The following RFX2 variants were observed in gnomAD, a reference collection of about 807,000 sequenced individuals.
The protein encoded by RFX2 is regulatory factor X2.
A neutral mutation model predicts 87.8 loss-of-function variants in RFX2; 20 were observed. The observed-to-expected ratio is 0.23, with a 90% confidence interval of 0.16 to 0.33. The LOEUF is 0.33. Among genes scored for constraint, RFX2 ranks in the 10% least tolerant of loss-of-function variants. The probability of loss-of-function intolerance (pLI) is 1.00; values close to 1 mark genes in which losing one functional copy is unlikely to be tolerated. For synonymous variants in RFX2, 397 were observed against 431.3 expected (o/e 0.92, Z 0.98); for missense variants, 767 against 1,012.3 (o/e 0.76, Z 3.29).
intron 2 of RFX2, among the ~76,000 whole-genome samples, chr19:6,046,647 G>A (rs983054223): frequency 7.4e-6 from 1 of 135,990 alleles, no homozygotes. Context: ...TTAGGTTGGA[G>A]AGCAGTGGTA....
At position 6,007,827 on chromosome 19, in the gene RFX2, C is replaced by T; in HGVS notation, c.1135-25G>A. ...CCTAGGAATGAAGGGACCGGTGAGACAGACGGGTGCGTGCGCCCATCACGT... is the reference window on the plus strand; with the variant it reads ...CCTAGGAATGAAGGGACCGGTGAGATAGACGGGTGCGTGCGCCCATCACGT... On this transcript the variant is annotated intron_variant, in intron 10 of 17. Coordinates refer to ENST00000303657, the MANE Select transcript of RFX2 (RefSeq NM_000635.4). The surrounding 1 kb of genome is among the most constrained non-coding windows in gnomAD (Gnocchi z 8.2). 1 of 1,459,098 alleles carries T rather than the reference C, an allele frequency of 6.9e-7. No homozygotes were observed. The highest frequency in any genetic ancestry group is 9.4e-7 in the Non-Finnish European group (1 of 1,062,606). 90.4% of individuals were successfully genotyped at this position (1,459,098 alleles called of 1,614,324 possible).
Position 6,026,386 on chromosome 19 carries a change from G to T in RFX2, c.523-149C>A. The stretch of plus-strand genomic sequence containing the variant: ...AAAATAAAAATGAGGCTCCACGCAG[G>T]CAGGGCGGGGGTGAGTTAAATTGTG... On this transcript the variant is annotated intron_variant, in intron 5 of 17. Transcript: ENST00000303657. This position sits in a 1 kb window ranked among gnomAD's most constrained non-coding sequence, Gnocchi z 4.5. 1.5e-6 allele frequency: 1 copy of T among 685,348 alleles called. No homozygotes were observed. Among genetic ancestry groups the T allele is most frequent in the Non-Finnish European group, 2.5e-6 (1 of 404,244 alleles). The allele number at this position is 685,348 out of a possible 1,614,324, so 42.5% of individuals were successfully genotyped here.
At position 6,083,269 on chromosome 19, in the gene RFX2, T is replaced by G. The variant is rs1271811034; in HGVS notation, c.-9+27124A>C. Among the ~76,000 whole-genome samples, 1 of 152,226 alleles carries G rather than the reference T, an allele frequency of 6.6e-6. No individual in the cohort carries two copies. The highest frequency in any genetic ancestry group is 1.5e-5 in the Non-Finnish European group (1 of 68,040). On this transcript the variant is annotated intron_variant, in intron 1 of 17. Transcript: ENST00000303657. This position sits in a 1 kb window ranked among gnomAD's most constrained non-coding sequence, Gnocchi z 4.6. ...TAAAATACTGCATTAAAACATTGTG[T>G]ATCTTGATGACTGTGGATTTTTGTA...
chr19:6,058,860 G>C (rs913355165), intron 1 of RFX2, among the ~76,000 whole-genome samples: 1 of 152,136 alleles, frequency 6.6e-6, no homozygotes, highest in Non-Finnish European at 1.5e-5. Context: ...CACCCAGTAG[G>C]CCCTTAAGTC....
intron 7 of RFX2, among the ~76,000 whole-genome samples, chr19:6,015,682 G>A (rs767702427): frequency 3.3e-5 from 5 of 151,924 alleles, no homozygotes; most frequent in Non-Finnish European, 5.9e-5. Context: ...TAATTTTTTT[G>A]TAGAGATGAG....
At chr19:6,005,660 G>GA (rs759577088) in intron 12 of RFX2, among the ~76,000 whole-genome samples, 1 of 152,224 alleles carries the variant, frequency 6.6e-6, no homozygotes, top group Non-Finnish European at 1.5e-5. Context: ...AAATCACAGG[G>GA]TGGGGCGCTG....
Position 6,007,829 on chromosome 19 carries a change from G to C in RFX2, c.1135-27C>G. 6.9e-7 allele frequency: 1 copy of C among 1,449,134 alleles called. No individual in the cohort carries two copies. Among genetic ancestry groups the C allele is most frequent in the East Asian group, 2.5e-5 (1 of 40,458 alleles). The allele number at this position is 1,449,134 out of a possible 1,614,324, so 89.8% of individuals were successfully genotyped here. A position where few individuals can be genotyped will look rare whatever the true frequency, so the allele number is the denominator to read the frequency against. Reference sequence around the variant, plus strand: ...TAGGAATGAAGGGACCGGTGAGACAGACGGGTGCGTGCGCCCATCACGTGC... The same window carrying C: ...TAGGAATGAAGGGACCGGTGAGACACACGGGTGCGTGCGCCCATCACGTGC... On this transcript the variant is annotated intron_variant, in intron 10 of 17. Transcript: ENST00000303657. The surrounding 1 kb of genome is among the most constrained non-coding windows in gnomAD (Gnocchi z 8.2).
Position 6,026,912 on chromosome 19 carries a change from G to T in RFX2, c.523-675C>A, listed in dbSNP as rs1599864450. 6.6e-6 allele frequency among the ~76,000 whole-genome samples: 1 copy of T among 152,236 alleles called. No individual in the cohort carries two copies. The highest frequency in any genetic ancestry group is 1.5e-5 in the Non-Finnish European group (1 of 68,024). On this transcript the variant is annotated intron_variant, in intron 5 of 17. Transcript: ENST00000303657. The surrounding 1 kb of genome is among the most constrained non-coding windows in gnomAD (Gnocchi z 4.5). ...CAGCTAACAGCAGAACTTCCTGGAG[G>T]AAGGGGCTTTTGAGTTGGATCCTGA...
intron 1 of RFX2, among the ~76,000 whole-genome samples, chr19:6,062,167 A>G (rs1431735108): frequency 6.6e-6 from 1 of 152,200 alleles, no homozygotes; most frequent in East Asian, 1.9e-4. Flanking sequence ...TCTAAAAAGA[A>G]TAAACAAGTA....
intron 16 of RFX2, among the ~76,000 whole-genome samples, chr19:5,996,032 G>A (rs1417360335): frequency 6.6e-6 from 1 of 152,262 alleles, no homozygotes; most frequent in Non-Finnish European, 1.5e-5. Context: ...AAAGCCCGGC[G>A]TTCACGCCAA....
At chr19:6,052,967 GTTTAGCTTTATA>G (rs1300107475) in intron 1 of RFX2, among the ~76,000 whole-genome samples, 1 of 152,022 alleles carries the variant, frequency 6.6e-6, no homozygotes, top group Non-Finnish European at 1.5e-5. Flanking sequence ...AGAAAGAGAT[GTTTAGCTTTATA>G]TGCTTATGTT....
At chr19:6,030,751 T>C (rs1022794660) in intron 5 of RFX2, among the ~76,000 whole-genome samples, 1 of 152,358 alleles carries the variant, frequency 6.6e-6, no homozygotes, top group East Asian at 1.9e-4. Context: ...TTATGTTACA[T>C]ACATTCTATC....
intron 2 of RFX2, among the ~76,000 whole-genome samples, chr19:6,046,729 G>A (rs1266320559): frequency 6.7e-6 from 1 of 148,806 alleles, no homozygotes; most frequent in Non-Finnish European, 1.5e-5. Context: ...CTGAGTAGCT[G>A]GGACCACAGG....
At chr19:6,060,315 C>A (rs1291228825) in intron 1 of RFX2, among the ~76,000 whole-genome samples, 1 of 152,188 alleles carries the variant, frequency 6.6e-6, no homozygotes, top group Non-Finnish European at 1.5e-5. Context: ...CAGACCCCAG[C>A]AGAAGCCTAA....
intron 2 of RFX2, among the ~76,000 whole-genome samples, chr19:6,046,957 G>A (rs2087199462): frequency 6.6e-6 from 1 of 150,646 alleles, no homozygotes; most frequent in African/African-American, 2.4e-5. Flanking sequence ...TTAGAGAAAG[G>A]GTCTGGCTAT....
At position 6,056,188 on chromosome 19, in the gene RFX2, T is replaced by C. The variant is rs2087337868; in HGVS notation, c.-8-8684A>G. Among the ~76,000 whole-genome samples, 1 of 152,030 alleles carries C rather than the reference T, an allele frequency of 6.6e-6. No individual in the cohort carries two copies. Among genetic ancestry groups the C allele is most frequent in the African/African-American group, 2.4e-5 (1 of 41,384 alleles). ...ACTTACTGTATGTGAATTTTAACAA[T>C]GACAACGAAGCCTGTAAAAATACAA... is the stretch of plus-strand genomic sequence containing the variant. On this transcript the variant is annotated intron_variant, in intron 1 of 17. Transcript: ENST00000303657. The surrounding 1 kb of genome is among the most constrained non-coding windows in gnomAD (Gnocchi z 4.6).
intron 5 of RFX2, among the ~76,000 whole-genome samples, chr19:6,036,696 T>C (rs539296026): frequency 1.3e-5 from 2 of 152,308 alleles, no homozygotes; most frequent in East Asian, 3.9e-4. Context: ...CTATTTATCA[T>C]AGAGACTTCC....
At chr19:6,094,397 C>T (rs1311607902) in intron 1 of RFX2, among the ~76,000 whole-genome samples, 2 of 152,130 alleles carry the variant, frequency 1.3e-5, no homozygotes, top group East Asian at 1.9e-4. Context: ...GCTTGGAGGG[C>T]ACCACCTGTG....
In RFX2 at chr19:5,997,675, C is replaced by T. The variant is rs535833295; in HGVS notation, c.1860-462G>A. Among the ~76,000 whole-genome samples, 4 of 152,290 alleles carry T rather than the reference C, an allele frequency of 2.6e-5. No homozygotes were observed. The South Asian group carries it at 8.3e-4, about 32-fold the overall frequency. ...TTGCCACCTCCCGCCATTCCTCAGC[C>T]TGTGGTTTCAGGCACCTAAAAACAA... On this transcript the variant is annotated intron_variant, in intron 15 of 17. Coordinates refer to ENST00000303657, the MANE Select transcript of RFX2 (RefSeq NM_000635.4). This position sits in a 1 kb window ranked among gnomAD's most constrained non-coding sequence, Gnocchi z 4.2.
Sources: gnomAD v4.1 joint callset for allele counts (sites outside exome capture counted in the v4.1 genomes callset) on GRCh38, gnomAD v4.1.1 for gene constraint, Gnocchi (gnomAD v3.1) non-coding constraint, MANE v1.5 for transcripts, NCBI Gene and HGNC (gene_info 2026-07-23, HGNC 2026-07-21) for gene names.